Variants in DNAJC12 observed in about 807,000 individuals in gnomAD.
DNAJC12 encodes the protein DnaJ heat shock protein family (Hsp40) member C12, also known as dnaJ homolog subfamily C member 12.
Under a neutral mutation model 28.5 loss-of-function variants are expected in DNAJC12, and 25 were observed. The ratio of observed to expected loss-of-function variants is 0.88; its 90% CI spans 0.64 to 1.22. The LOEUF (loss-of-function observed/expected upper bound fraction) is 1.22, where lower values mean the gene tolerates loss of function less well. DNAJC12 is among the 50% of genes most tolerant of loss of function. The pLI is 0.00. For missense variants in DNAJC12, 222 were observed against 231.7 expected (o/e 0.96, Z 0.27); for synonymous variants, 77 against 80.6 (o/e 0.95, Z 0.24).
chr10:67,817,880 C>CA (rs1206399341), intron 2 of DNAJC12, among the ~76,000 whole-genome samples: 1 of 150,824 alleles, frequency 6.6e-6, no homozygotes, highest in Non-Finnish European at 1.5e-5. Context: ...TCCATCCCCC[C>CA]AAAAAAATAA....
At chr10:67,834,619 G>A (rs762331385) in intron 1 of DNAJC12, among the ~76,000 whole-genome samples, 37 of 152,328 alleles carry the variant, frequency 2.4e-4, no homozygotes, top group Non-Finnish European at 4.7e-4. Flanking sequence ...CTTGAGGTCA[G>A]GAGTTCAAGG....
intron 2 of DNAJC12, among the ~76,000 whole-genome samples, chr10:67,821,471 G>A (rs192009795): frequency 6.5e-4 from 99 of 152,196 alleles, no homozygotes; most frequent in African/African-American, 2.3e-3. Context: ...AGCCAATATC[G>A]TGCCATTGCA....
rs1463508631 is a variant in DNAJC12 at position 67,797,222 on chromosome 10, A to C, written c.503-12T>G. On this transcript the variant is annotated splice_polypyrimidine_tract_variant and intron_variant, in intron 4 of 4. Coordinates refer to ENST00000225171, the MANE Select transcript of DNAJC12 (RefSeq NM_021800.3). The stretch of plus-strand genomic sequence containing the variant: ...CACATCTGCAAAACCTTTAAAGGAA[A>C]GAAAGTAAATATTTAAAATCAGAAG... 6.2e-7 allele frequency: 1 copy of C among 1,609,470 alleles called. No homozygotes were observed. Among genetic ancestry groups the C allele is most frequent in the Non-Finnish European group, 8.5e-7 (1 of 1,177,126 alleles).
intron 3 of DNAJC12, among the ~76,000 whole-genome samples, chr10:67,806,764 G>A (rs1246202171): frequency 6.6e-6 from 1 of 150,726 alleles, no homozygotes; most frequent in African/African-American, 2.4e-5. Flanking sequence ...GGTGGAGGTT[G>A]CAGTGAGCCG....
intron 4 of DNAJC12, among the ~76,000 whole-genome samples, chr10:67,797,781 C>A (rs1030863541): frequency 7.2e-5 from 11 of 152,166 alleles, no homozygotes; most frequent in Non-Finnish European, 1.6e-4. Context: ...TGGCTCACGC[C>A]TGTAATCCCA....
At chr10:67,803,291 T>C (rs1841766379) in intron 4 of DNAJC12, among the ~76,000 whole-genome samples, 1 of 152,324 alleles carries the variant, frequency 6.6e-6, no homozygotes, top group Non-Finnish European at 1.5e-5. Context: ...GCCCACATTC[T>C]TAACCACTGC....
intron 3 of DNAJC12, 55 bp downstream of exon 3, chr10:67,811,469 A>G: frequency 2.5e-6 from 4 of 1,610,936 alleles, no homozygotes; most frequent in Non-Finnish European, 3.4e-6. Context: ...CATGAGTCTA[A>G]TCCATGGGCA....
intron 2 of DNAJC12, among the ~76,000 whole-genome samples, chr10:67,820,860 C>T (rs1338633493): frequency 3.3e-5 from 5 of 149,356 alleles, no homozygotes; most frequent in East Asian, 2.0e-4. Flanking sequence ...CTCTGCTCAC[C>T]GCAACCTCCG....
At chr10:67,803,701 G>T (rs1841770817) in intron 4 of DNAJC12, among the ~76,000 whole-genome samples, 1 of 152,142 alleles carries the variant, frequency 6.6e-6, no homozygotes, top group African/African-American at 2.4e-5. Flanking sequence ...AAAGACTTGG[G>T]GAACCCCCAG....
At chr10:67,833,727 G>A in intron 1 of DNAJC12, 2 of 418,394 alleles carry the variant, frequency 4.8e-6, no homozygotes, top group Admixed American at 5.8e-5. Flanking sequence ...GGATGATCCA[G>A]GCTCTCGGTA....
At chr10:67,828,147 A>G (rs901561930) in intron 1 of DNAJC12, among the ~76,000 whole-genome samples, 1 of 152,216 alleles carries the variant, frequency 6.6e-6, no homozygotes, top group African/African-American at 2.4e-5. Context: ...ATAAATCAAA[A>G]TATCCAAAGG....
chr10:67,817,852 C>T (rs796570856), intron 2 of DNAJC12, among the ~76,000 whole-genome samples: 9 of 151,568 alleles, frequency 5.9e-5, no homozygotes, highest in African/African-American at 1.7e-4. Context: ...CACTCCAGTT[C>T]GGGCGATAGA....
intron 3 of DNAJC12, among the ~76,000 whole-genome samples, chr10:67,810,662 G>A (rs1589605229): frequency 6.6e-6 from 1 of 152,160 alleles, no homozygotes. Context: ...TGCAATCCCA[G>A]CACTTTGGGA....
rs3084613 is a variant in DNAJC12, at chr10:67,833,438, C to CCT, written c.78+4494_78+4495dup. ...GAAATATCCTCTCTCTCTCCCTCTC[C>CCT]CTCTCTCTCTCTCTCTCTCTCTGTC... is the stretch of plus-strand genomic sequence containing the variant. On this transcript the variant is annotated intron_variant, in intron 1 of 4. Coordinates refer to ENST00000225171, the MANE Select transcript of DNAJC12 (RefSeq NM_021800.3). Among the ~76,000 whole-genome samples the CCT allele has an allele frequency of 0.03, 4,471 of 149,354 alleles. 492 individuals carry two copies. The East Asian group carries it at 0.4, about 13-fold the overall frequency.
At chr10:67,828,947 A>G (rs750541307) in intron 1 of DNAJC12, among the ~76,000 whole-genome samples, 2 of 152,100 alleles carry the variant, frequency 1.3e-5, no homozygotes, top group Non-Finnish European at 2.9e-5. Context: ...TGTTCGAACT[A>G]CAAGCAGCCA....
chr10:67,811,688 C>T, intron 2 of DNAJC12, 25 bp from the exon 3 acceptor site: 2 of 1,606,318 alleles, frequency 1.2e-6, no homozygotes, highest in Non-Finnish European at 1.7e-6. Flanking sequence ...AAGAAATGAG[C>T]ACTTCTCTCT....
intron 1 of DNAJC12, among the ~76,000 whole-genome samples, chr10:67,831,743 C>A (rs979636594): frequency 1.3e-5 from 2 of 152,196 alleles, no homozygotes; most frequent in Non-Finnish European, 2.9e-5. Context: ...TATACACTAG[C>A]ATCATGTCTC....
chr10:67,829,924 T>G (rs1842076665), intron 1 of DNAJC12, among the ~76,000 whole-genome samples: 2 of 152,022 alleles, frequency 1.3e-5, no homozygotes, highest in Non-Finnish European at 2.9e-5. Flanking sequence ...CTGCATATAA[T>G]AATATGTAAG....
intron 1 of DNAJC12, among the ~76,000 whole-genome samples, chr10:67,834,926 T>C (rs1842128306): frequency 6.6e-6 from 1 of 152,352 alleles, no homozygotes; most frequent in South Asian, 2.1e-4. Context: ...TATTGTTTTC[T>C]ATATAACATG....
Sources: allele counts gnomAD v4.1 joint callset (sites outside exome capture counted in the v4.1 genomes callset), GRCh38; gene constraint gnomAD v4.1.1; transcripts MANE v1.5; gene names NCBI Gene and HGNC (gene_info 2026-07-23, HGNC 2026-07-21).